TACC2: variants seen among roughly 807,000 people sequenced by gnomAD.
TACC2 encodes the protein transforming acidic coiled-coil-containing protein 2.
In TACC2, 137 loss-of-function variants were observed where a neutral mutation model predicts 227.3. That is an observed-to-expected ratio of 0.60 (90% CI 0.52 to 0.69). TACC2 has a LOEUF of 0.69. TACC2 is among the 30% of genes least tolerant of loss of function. The pLI, the probability that TACC2 is intolerant of heterozygous loss-of-function variation, is 0.00. For synonymous variants in TACC2, 1,523 were observed against 1,487.5 expected, an observed-to-expected ratio of 1.02 and a Z score of -0.55; for missense variants, 3,470 against 3,694.4, an observed-to-expected ratio of 0.94 and a Z score of 1.57.
intron 2 of TACC2, among the ~76,000 whole-genome samples, chr10:122,043,571 TCTTTCTTC>T (rs142412941): frequency 6.5e-4 from 7 of 10,700 alleles, no homozygotes; most frequent in Non-Finnish European, 1.3e-3. Context: ...TCTCTCTCTT[TCTTTCTTC>T]CTTTCTTCCT....
chr10:122,134,427 C>T (rs1037701626), intron 6 of TACC2, among the ~76,000 whole-genome samples: 4 of 152,206 alleles, frequency 2.6e-5, no homozygotes, highest in Non-Finnish European at 5.9e-5. Flanking sequence ...AATCTGCCTG[C>T]CTCGGCCTCC....
At chr10:122,111,868 A>G (rs1035873077) in intron 5 of TACC2, among the ~76,000 whole-genome samples, 3 of 152,174 alleles carry the variant, frequency 2.0e-5, no homozygotes, top group Non-Finnish European at 2.9e-5. Flanking sequence ...CAGTTATCAT[A>G]CTTGTAAAAT....
chr10:122,182,038 C>T (rs1384830186), intron 7 of TACC2, among the ~76,000 whole-genome samples: 1 of 152,202 alleles, frequency 6.6e-6, no homozygotes, highest in Non-Finnish European at 1.5e-5. Context: ...GCTGTTGTAG[C>T]TTCTCCATCC....
At position 122,154,093 on chromosome 10, in the gene TACC2, C is replaced by T. The variant is rs149325870; in HGVS notation, c.5834+10387C>T. ...AGGGAGGACCTCCTTGAGTTGCCTT[C>T]AGCCCTGGCCTCAGCTGGAAACAGT... On this transcript the variant is annotated intron_variant, in intron 7 of 22. Coordinates refer to ENST00000369005, the MANE Select transcript of TACC2 (RefSeq NM_206862.4). Among the ~76,000 whole-genome samples the T allele has an allele frequency of 2.4e-3, 363 of 152,360 alleles. 2 individuals carry two copies. The highest frequency in any genetic ancestry group is 8.4e-3 in the African/African-American group (348 of 41,588).
At chr10:122,060,753 C>A (rs911485655) in intron 3 of TACC2, among the ~76,000 whole-genome samples, 1 of 152,202 alleles carries the variant, frequency 6.6e-6, no homozygotes, top group Non-Finnish European at 1.5e-5. Context: ...GTCTGTAATC[C>A]CAGCACTTTG....
chr10:121,994,941 C>T (rs890425466), intron 1 of TACC2, among the ~76,000 whole-genome samples: 1 of 152,136 alleles, frequency 6.6e-6, no homozygotes, highest in Non-Finnish European at 1.5e-5. Context: ...TTAATCTAGA[C>T]CTCGATCTCT....
intron 9 of TACC2, among the ~76,000 whole-genome samples, chr10:122,212,934 G>A (rs576993123): frequency 2.1e-5 from 3 of 145,204 alleles, no homozygotes; most frequent in South Asian, 2.2e-4. Flanking sequence ...CTGCAAGGCC[G>A]TGCTCTCTCA....
At chr10:122,203,712 G>T (rs1176228387) in intron 8 of TACC2, among the ~76,000 whole-genome samples, 2 of 150,912 alleles carry the variant, frequency 1.3e-5, no homozygotes, top group South Asian at 2.1e-4. Flanking sequence ...CATCCCAGTC[G>T]ATGGGCGGCC....
At chr10:122,002,551 TG>T (rs1304965665) in intron 1 of TACC2, among the ~76,000 whole-genome samples, 1 of 152,182 alleles carries the variant, frequency 6.6e-6, no homozygotes, top group Non-Finnish European at 1.5e-5. Context: ...TAGAGCACGC[TG>T]GGACTATCTG....
intron 1 of TACC2, among the ~76,000 whole-genome samples, chr10:122,015,784 G>A (rs9943361): frequency 0.074 from 11,090 of 150,298 alleles, 763 homozygotes; most frequent in African/African-American, 0.18. Flanking sequence ...CCCGGGAGGG[G>A]GAGGTTGCAG....
chr10:122,238,652 T>C (rs2095910903), intron 18 of TACC2, among the ~76,000 whole-genome samples: 1 of 152,124 alleles, frequency 6.6e-6, no homozygotes, highest in Non-Finnish European at 1.5e-5. Flanking sequence ...GGTTTCACCA[T>C]GTTGGCCAGG....
chr10:122,132,143 G>C (rs756267197), intron 5 of TACC2, among the ~76,000 whole-genome samples: 1 of 152,192 alleles, frequency 6.6e-6, no homozygotes, highest in Non-Finnish European at 1.5e-5. Flanking sequence ...TCTTGGCATA[G>C]ACTGGTGACA....
chr10:122,123,133 G>A (rs187898923), intron 5 of TACC2, among the ~76,000 whole-genome samples: 49 of 152,250 alleles, frequency 3.2e-4, no homozygotes, highest in African/African-American at 1.2e-3. Flanking sequence ...TTCCAGAGTA[G>A]CTGGGACCAC....
intron 7 of TACC2, among the ~76,000 whole-genome samples, chr10:122,145,625 G>T (rs1452838600): frequency 6.6e-6 from 1 of 152,130 alleles, no homozygotes; most frequent in African/African-American, 2.4e-5. Context: ...CTATTTTTTG[G>T]TATGTAAGTT....
intron 7 of TACC2, among the ~76,000 whole-genome samples, chr10:122,166,620 C>A (rs544440751): frequency 6.6e-6 from 1 of 152,254 alleles, no homozygotes; most frequent in South Asian, 2.1e-4. Flanking sequence ...CAGACCTCAC[C>A]CCAGACCAGC....
Position 122,084,522 on chromosome 10 carries a change from A to C in TACC2, c.2022A>C (p.Pro674=). The change falls in exon 4 of 23, where the codon CCA becomes CCC. Residue 674 remains proline, a synonymous_variant. Coordinates refer to ENST00000369005, the MANE Select transcript of TACC2 (RefSeq NM_206862.4). The part of the protein sequence containing the change: ...GEEDPVLPPV[P]DGAGEPTVPE... ...AGGACCCCGTCCTGCCCCCTGTGCCAGATGGAGCTGGTGAGCCCACTGTTC... is the reference window on the plus strand; with the variant it reads ...AGGACCCCGTCCTGCCCCCTGTGCCCGATGGAGCTGGTGAGCCCACTGTTC... The C allele has an allele frequency of 6.2e-7, 1 of 1,613,630 alleles. No individual in the cohort carries two copies. The highest frequency in any genetic ancestry group is 8.5e-7 in the Non-Finnish European group (1 of 1,180,016).
intron 19 of TACC2, 21 bp from the exon 20 acceptor site, chr10:122,248,622 G>A: frequency 1.2e-6 from 2 of 1,612,182 alleles, no homozygotes; most frequent in Non-Finnish European, 1.7e-6. Context: ...CCATCATTTG[G>A]CTCCTGGTCT....
chr10:122,211,026 G>T lies in TACC2; in HGVS notation c.6601G>T (p.Ala2201Ser). 6.2e-7 allele frequency: 1 copy of T among 1,612,412 alleles called. No individual in the cohort carries two copies. The highest frequency in any genetic ancestry group is 8.5e-7 in the Non-Finnish European group (1 of 1,179,314). ...TPLEPAVGPKAACPLDSESAE... is the reference protein window; with the variant it reads ...TPLEPAVGPKSACPLDSESAE... Reference sequence around the variant, plus strand: ...CCTTGAGCCCGCTGTGGGGCCCAAAGCTGCCTGCCCTCTGGACTCAGAGAG... The same window carrying T: ...CCTTGAGCCCGCTGTGGGGCCCAAATCTGCCTGCCCTCTGGACTCAGAGAG... The change falls in exon 9 of 23, where the codon GCT becomes TCT. Residue 2201 changes from alanine (A) to serine (S), a missense_variant. Coordinates refer to ENST00000369005, the MANE Select transcript of TACC2 (RefSeq NM_206862.4).
At chr10:122,072,240 C>A (rs1226249184) in intron 3 of TACC2, among the ~76,000 whole-genome samples, 4 of 152,114 alleles carry the variant, frequency 2.6e-5, no homozygotes, top group African/African-American at 9.7e-5. Context: ...CAGGCGTGAG[C>A]CACCGTGCCC....
Sources: allele counts gnomAD v4.1 joint callset (sites outside exome capture counted in the v4.1 genomes callset), GRCh38; gene constraint gnomAD v4.1.1; transcripts MANE v1.5; gene names NCBI Gene and HGNC (gene_info 2026-07-23, HGNC 2026-07-21).